The following CENPW variants were observed in gnomAD, a reference collection of about 807,000 sequenced individuals.
The protein encoded by CENPW is cancer-up-regulated gene 2 protein.
CENPW carries 3 observed loss-of-function variants against 11.1 expected under a neutral mutation model. The observed-to-expected ratio is 0.27, with a 90% confidence interval of 0.12 to 0.70. The LOEUF is 0.70. CENPW is among the 30% of genes least tolerant of loss of function. The pLI is 0.77. For missense variants in CENPW, 100 were observed against 105.6 expected, an observed-to-expected ratio of 0.95 and a Z score of 0.23; for synonymous variants, 38 against 42.0, an observed-to-expected ratio of 0.91 and a Z score of 0.37.
chr6:126,386,463 A>G, the CENPW span, among the ~76,000 whole-genome samples: 1 of 152,058 alleles, frequency 6.6e-6, no homozygotes, highest in Non-Finnish European at 1.5e-5. Flanking sequence ...TAACTATATC[A>G]GTCTCCTTGC....
chr6:126,340,837 G>A (rs2128289259), intron 1 of CENPW, among the ~76,000 whole-genome samples: 1 of 152,156 alleles, frequency 6.6e-6, no homozygotes, highest in East Asian at 1.9e-4. Flanking sequence ...CCTTTTAAGG[G>A]CCTCCCTTCT....
the CENPW span, among the ~76,000 whole-genome samples, chr6:126,449,479 C>T: frequency 6.6e-6 from 1 of 150,992 alleles, no homozygotes; most frequent in Non-Finnish European, 1.5e-5. Context: ...CATTCTGTGT[C>T]TCTTTAGTGT....
At chr6:126,475,223 C>T in the CENPW span, among the ~76,000 whole-genome samples, 3 of 151,694 alleles carry the variant, frequency 2.0e-5, no homozygotes, top group African/African-American at 4.8e-5. Flanking sequence ...CAATTATTAC[C>T]AGGGGATTTT....
At chr6:126,477,262 C>A in the CENPW span, among the ~76,000 whole-genome samples, 2 of 151,880 alleles carry the variant, frequency 1.3e-5, no homozygotes, top group Non-Finnish European at 2.9e-5. Flanking sequence ...AATAGTATCA[C>A]TGATAGGATT....
At chr6:126,359,994 C>G in the CENPW span, among the ~76,000 whole-genome samples, 1 of 152,018 alleles carries the variant, frequency 6.6e-6, no homozygotes, top group Middle Eastern at 3.2e-3. Flanking sequence ...GTTAGGTAGA[C>G]TTGATTGTGT....
chr6:126,408,075 C>T, the CENPW span, among the ~76,000 whole-genome samples: 1 of 151,948 alleles, frequency 6.6e-6, no homozygotes, highest in African/African-American at 2.4e-5. Context: ...GTTTAACAAG[C>T]AATAGGGAAA....
the CENPW span, among the ~76,000 whole-genome samples, chr6:126,474,593 G>T: frequency 8.6e-5 from 13 of 152,038 alleles, no homozygotes; most frequent in African/African-American, 2.9e-4. Flanking sequence ...TCTCTCCTAG[G>T]TTCTGCTTCT....
chr6:126,375,506 G>A, the CENPW span, among the ~76,000 whole-genome samples: 1 of 152,136 alleles, frequency 6.6e-6, no homozygotes, highest in Non-Finnish European at 1.5e-5. Context: ...ATTAGGTAAA[G>A]TGGTGGAGTT....
the CENPW span, among the ~76,000 whole-genome samples, chr6:126,402,475 C>A: frequency 6.6e-6 from 1 of 151,990 alleles, no homozygotes; most frequent in Non-Finnish European, 1.5e-5. Context: ...GCAAAATAAA[C>A]CCCTTACCCA....
At chr6:126,373,946 CTGATTAGTGGT>C in the CENPW span, among the ~76,000 whole-genome samples, 1 of 152,250 alleles carries the variant, frequency 6.6e-6, no homozygotes, top group Non-Finnish European at 1.5e-5. Flanking sequence ...ACCACATTGC[CTGATTAGTGGT>C]TTAGGCCTTA....
At chr6:126,455,926 C>G in the CENPW span, among the ~76,000 whole-genome samples, 373 of 151,208 alleles carry the variant, frequency 2.5e-3, no homozygotes, top group Non-Finnish European at 4.5e-3. Flanking sequence ...TATATGCCTA[C>G]AGTGTCCTAG....
chr6:126,411,637 G>T, the CENPW span, among the ~76,000 whole-genome samples: 2 of 152,052 alleles, frequency 1.3e-5, no homozygotes, highest in Admixed American at 1.3e-4. Context: ...CGTTGACCAG[G>T]TTGTAGCTGT....
the CENPW span, among the ~76,000 whole-genome samples, chr6:126,413,932 A>G: frequency 1.3e-5 from 2 of 151,984 alleles, no homozygotes; most frequent in Admixed American, 6.5e-5. Flanking sequence ...AATTCACTTC[A>G]CTGGTAAAGA....
the CENPW span, among the ~76,000 whole-genome samples, chr6:126,445,348 C>T: frequency 6.6e-6 from 1 of 151,100 alleles, no homozygotes; most frequent in Non-Finnish European, 1.5e-5. Flanking sequence ...TTTTGTCATT[C>T]TAGCTTCTTT....
the CENPW span, among the ~76,000 whole-genome samples, chr6:126,420,171 G>A: frequency 6.6e-6 from 1 of 152,104 alleles, no homozygotes; most frequent in Non-Finnish European, 1.5e-5. Flanking sequence ...GGGATGGTCA[G>A]GTAGTACAGC....
At chr6:126,344,027 A>G (rs1780362108) in intron 1 of CENPW, among the ~76,000 whole-genome samples, 1 of 149,588 alleles carries the variant, frequency 6.7e-6, no homozygotes, top group Non-Finnish European at 1.5e-5. Flanking sequence ...GTCTGATTTA[A>G]AAAAAAATTT....
the CENPW span, among the ~76,000 whole-genome samples, chr6:126,447,983 T>G: frequency 6.6e-6 from 1 of 151,272 alleles, no homozygotes; most frequent in Non-Finnish European, 1.5e-5. Flanking sequence ...TGTTCCAGGG[T>G]CAGCCCCCTA....
At chr6:126,346,583 T>C (rs1170384648) in intron 2 of CENPW, among the ~76,000 whole-genome samples, 1 of 152,208 alleles carries the variant, frequency 6.6e-6, no homozygotes, top group Non-Finnish European at 1.5e-5. Context: ...AGAAGATATA[T>C]CACCTTGAAA....
the CENPW span, among the ~76,000 whole-genome samples, chr6:126,391,360 CT>C: frequency 6.6e-6 from 1 of 151,786 alleles, no homozygotes; most frequent in African/African-American, 2.4e-5. Context: ...CTTATATATT[CT>C]GGTTATTAAC....
Sources: allele counts gnomAD v4.1 joint callset (sites outside exome capture counted in the v4.1 genomes callset), GRCh38; gene constraint gnomAD v4.1.1; transcripts MANE v1.5; gene names NCBI Gene and HGNC (gene_info 2026-07-23, HGNC 2026-07-21).